KLRB1: variants seen among roughly 807,000 people sequenced by gnomAD.
KLRB1 encodes killer cell lectin-like receptor subfamily B member 1.
KLRB1 carries 27 observed loss-of-function variants against 33.5 expected under a neutral mutation model. The observed-to-expected ratio is 0.81, with a 90% CI of 0.59 to 1.11. KLRB1 has a LOEUF of 1.11. Ranked by LOEUF, KLRB1 falls within the 50% of genes most tolerant of loss-of-function variation. KLRB1 has a pLI of 0.00. For synonymous variants in KLRB1, 64 were observed against 88.9 expected (o/e 0.72, Z 1.58); for missense variants, 241 against 254.1 (o/e 0.95, Z 0.35).
chr12:9,598,358 T>C, intron 4 of KLRB1, 141 bp downstream of exon 4: 1 of 750,748 alleles, frequency 1.3e-6, no homozygotes, highest in Middle Eastern at 2.7e-4. Flanking sequence ...AATTATTTGT[T>C]TACATATCCA....
chr12:9,605,450 C>G (rs2120723162), intron 1 of KLRB1, among the ~76,000 whole-genome samples: 1 of 152,306 alleles, frequency 6.6e-6, no homozygotes, highest in Admixed American at 6.5e-5. Flanking sequence ...TTACTATAAA[C>G]TCTATGAAGG....
At chr12:9,597,588 A>ATT (rs1397040439) in intron 5 of KLRB1, among the ~76,000 whole-genome samples, 1 of 152,038 alleles carries the variant, frequency 6.6e-6, no homozygotes, top group African/African-American at 2.4e-5. Context: ...ATATACTGCA[A>ATT]TTTTTGTCAC....
intron 5 of KLRB1, among the ~76,000 whole-genome samples, chr12:9,597,358 A>G (rs765876612): frequency 1.7e-4 from 26 of 152,224 alleles, no homozygotes; most frequent in African/African-American, 5.8e-4. Flanking sequence ...GGAAGAAAAC[A>G]CCCTGCCTTT....
At chr12:9,599,729 T>G in intron 3 of KLRB1, 38 bp downstream of exon 3, 1 of 1,224,918 alleles carries the variant, frequency 8.2e-7, no homozygotes, top group Non-Finnish European at 1.2e-6. Flanking sequence ...TACCAAATAT[T>G]AACAGTTATT....
chr12:9,607,415 T>TTTCTTTTCTTTTCTTTTTG (rs143585761), intron 1 of KLRB1, among the ~76,000 whole-genome samples: 31 of 103,052 alleles, frequency 3.0e-4, no homozygotes, highest in East Asian at 1.8e-3. Flanking sequence ...TTTTCTTTCT[T>TTTCTTTTCTTTTCTTTTTG]TCTTTCTTTC....
intron 1 of KLRB1, among the ~76,000 whole-genome samples, chr12:9,607,130 G>C (rs1281112154): frequency 6.6e-6 from 1 of 152,004 alleles, no homozygotes; most frequent in African/African-American, 2.4e-5. Context: ...TTTTGTAGAG[G>C]AATTTGGAAT....
chr12:9,606,760 A>AT lies in KLRB1; in HGVS notation c.85+994dup, dbSNP rs1185510083. ...TATATATATATATATATATATATAT[A>AT]TTTTTTTTTTTTTTTTGAGATAGTC... On this transcript the variant is annotated intron_variant, in intron 1 of 5. Coordinates refer to ENST00000229402, the MANE Select transcript of KLRB1 (RefSeq NM_002258.3). Among the ~76,000 whole-genome samples, 62 of 63,736 alleles carry AT rather than the reference A, an allele frequency of 9.7e-4. 8 individuals carry two copies. The highest frequency in any genetic ancestry group is 4.5e-3 in the African/African-American group (55 of 12,126). 41.8% of individuals were successfully genotyped at this position (63,736 alleles called of 152,430 possible). A position where few individuals can be genotyped will look rare whatever the true frequency, so the allele number is the denominator to read the frequency against.
chr12:9,606,760 A>ATATTTTTTTT (rs1336534922), intron 1 of KLRB1, among the ~76,000 whole-genome samples: 1 of 63,744 alleles, frequency 1.6e-5, no homozygotes, highest in Non-Finnish European at 2.7e-5. Context: ...ATATATATAT[A>ATATTTTTTTT]TTTTTTTTTT....
At position 9,603,913 on chromosome 12, in the gene KLRB1, A is replaced by C. The variant is rs1055130844; in HGVS notation, c.86-2314T>G. On this transcript the variant is annotated intron_variant, in intron 1 of 5. Transcript: ENST00000229402. ...AAATGTGGAATATTATCTATGTCAT[A>C]ATATTTTGGAGAGGATTATATGAAA... Among the ~76,000 whole-genome samples the C allele has an allele frequency of 3.9e-5, 6 of 152,138 alleles. No individual in the cohort carries two copies. The East Asian group carries it at 1.2e-3, about 29-fold the overall frequency.
chr12:9,599,866 T>G (rs768245750), intron 2 of KLRB1, 25 bp from the exon 3 acceptor site: 1 of 1,325,350 alleles, frequency 7.5e-7, no homozygotes, highest in South Asian at 1.2e-5. Context: ...AAAACAAGAG[T>G]ATTAAATGCT....
chr12:9,606,756 ATATATTT>A lies in KLRB1; in HGVS notation c.85+992_85+998del, dbSNP rs1565444243. Among the ~76,000 whole-genome samples, 91 of 31,490 alleles carry A rather than the reference ATATATTT, an allele frequency of 2.9e-3. 2 individuals carry two copies. Among genetic ancestry groups the A allele is most frequent in the Non-Finnish European group, 3.9e-3 (68 of 17,422 alleles). The allele number at this position is 31,490 out of a possible 152,430, so 20.7% of individuals were successfully genotyped here. On this transcript the variant is annotated intron_variant, in intron 1 of 5. Transcript: ENST00000229402. ...AAAGTATATATATATATATATATAT[ATATATTT>A]TTTTTTTTTTTTTGAGATAGTCTTG...
chr12:9,607,802 G>C lies in KLRB1; in HGVS notation c.38C>G (p.Pro13Arg), dbSNP rs971970177. The change falls in exon 1 of 6, where the codon CCC becomes CGC. Residue 13 changes from proline to arginine, a missense_variant. Transcript: ENST00000229402. ...QQAIYAELNL[P>R]TDSGPESSSP... ...AGAACTTTCTGGGCCTGAGTCTGTG[G>C]GTAAGTTTAACTCAGCATATATTGC... 4.3e-6 allele frequency: 7 copies of C among 1,613,586 alleles called. No homozygotes were observed. The highest frequency in any genetic ancestry group is 1.7e-5 in the Admixed American group (1 of 59,976).
At position 9,601,373 on chromosome 12, in the gene KLRB1, A is replaced by G. The variant is rs1864539438; in HGVS notation, c.184+128T>C. On this transcript the variant is annotated intron_variant, in intron 2 of 5. Coordinates refer to ENST00000229402, the MANE Select transcript of KLRB1 (RefSeq NM_002258.3). ...GTCTCTGTGTCTTTTTCTTTTCCAAATCTCTCGTCCCACCTTACGAGAAAC... is the reference window on the plus strand; with the variant it reads ...GTCTCTGTGTCTTTTTCTTTTCCAAGTCTCTCGTCCCACCTTACGAGAAAC... 15 of 603,176 alleles carry G rather than the reference A, an allele frequency of 2.5e-5. No individual in the cohort carries two copies. In the South Asian group the frequency reaches 3.0e-4, roughly 12 times the overall value. 37.4% of individuals were successfully genotyped at this position (603,176 alleles called of 1,614,324 possible).
At chr12:9,597,086 T>C (rs985912) in intron 5 of KLRB1, among the ~76,000 whole-genome samples, 73,711 of 152,018 alleles carry the variant, frequency 0.48, 18,081 homozygotes, top group African/African-American at 0.51. Context: ...AGCCAACATT[T>C]CTTTCAGTGT....
At chr12:9,598,749 G>T (rs899880042) in intron 3 of KLRB1, 96 bp from the exon 4 acceptor site, 2 of 811,080 alleles carry the variant, frequency 2.5e-6, no homozygotes, top group Non-Finnish European at 3.7e-6. Context: ...CATTATAAAT[G>T]CTCAAAGTTT....
chr12:9,596,791 A>G (rs770627243), intron 5 of KLRB1, among the ~76,000 whole-genome samples: 2 of 152,198 alleles, frequency 1.3e-5, no homozygotes, highest in African/African-American at 4.8e-5. Flanking sequence ...ACACACACAA[A>G]CTATACTTAA....
chr12:9,606,143 T>G (rs1356161514), intron 1 of KLRB1, among the ~76,000 whole-genome samples: 2 of 152,184 alleles, frequency 1.3e-5, no homozygotes, highest in Non-Finnish European at 2.9e-5. Context: ...ACTTAAAACT[T>G]TGAGAATTCA....
rs138574466 is a variant in KLRB1 at position 9,604,946 on chromosome 12, G to A, written c.85+2809C>T. Among the ~76,000 whole-genome samples the A allele has an allele frequency of 5.0e-3, 760 of 151,940 alleles. 10 individuals carry two copies. Among genetic ancestry groups the A allele is most frequent in the African/African-American group, 0.017 (721 of 41,334 alleles). On this transcript the variant is annotated intron_variant, in intron 1 of 5. Transcript: ENST00000229402. ...GTTGGTTTGTTGCACCCGTTAACTC[G>A]TCATTTACATTAGGTATTTCTCCTA...
intron 5 of KLRB1, among the ~76,000 whole-genome samples, chr12:9,596,963 A>G (rs1306236646): frequency 6.6e-6 from 1 of 152,180 alleles, no homozygotes; most frequent in Non-Finnish European, 1.5e-5. Flanking sequence ...TTGGCTTTTC[A>G]TAAATTTATT....
Sources: gnomAD v4.1 joint callset for allele counts (sites outside exome capture counted in the v4.1 genomes callset) on GRCh38, gnomAD v4.1.1 for gene constraint, MANE v1.5 for transcripts, NCBI Gene and HGNC (gene_info 2026-07-23, HGNC 2026-07-21) for gene names.